Variants in GLRA1 observed in about 807,000 individuals in gnomAD.
The protein encoded by GLRA1 is glycine receptor subunit alpha-1.
Under a neutral mutation model 48.3 loss-of-function variants are expected in GLRA1, and 37 were observed. The observed-to-expected ratio is 0.77, with a 90% CI of 0.59 to 1.01. The LOEUF is 1.01. GLRA1 is among the 50% of genes least tolerant of loss of function. The probability of loss-of-function intolerance (pLI) is 0.00; values close to 1 mark genes in which losing one functional copy is unlikely to be tolerated. For missense variants in GLRA1, 427 were observed against 571.0 expected, an observed-to-expected ratio of 0.75 and a Z score of 2.57; for synonymous variants, 196 against 210.7, an observed-to-expected ratio of 0.93 and a Z score of 0.60.
intron 4 of GLRA1, 21 bp downstream of exon 4, chr5:151,859,764 G>C (rs376001592): frequency 4.0e-5 from 61 of 1,528,732 alleles, no homozygotes; most frequent in Non-Finnish European, 5.5e-5. Flanking sequence ...CAGGGAGTGG[G>C]TGAACCTGGT....
intron 7 of GLRA1, among the ~76,000 whole-genome samples, chr5:151,835,983 T>TA (rs1225522745): frequency 7.2e-5 from 11 of 152,262 alleles, no homozygotes; most frequent in Admixed American, 6.5e-4. Context: ...GAGAAAGAAA[T>TA]AAAAGGTATT....
At position 151,878,587 on chromosome 5, in the gene GLRA1, C is replaced by A. The variant is rs751644704; in HGVS notation, c.252+8134G>T. On this transcript the variant is annotated intron_variant, in intron 3 of 8. Transcript: ENST00000274576. The stretch of plus-strand genomic sequence containing the variant: ...CCAAAGGCTTTGGAGAAAATCGTTT[C>A]GTGGGCCAAGCCCAGGGTCCCTGTG... Among the ~76,000 whole-genome samples the A allele has an allele frequency of 3.9e-5, 6 of 152,246 alleles. No individual in the cohort carries two copies. The South Asian group carries it at 1.0e-3, about 26-fold the overall frequency.
intron 1 of GLRA1, among the ~76,000 whole-genome samples, chr5:151,897,653 T>C (rs1754255383): frequency 6.6e-6 from 1 of 152,214 alleles, no homozygotes; most frequent in Non-Finnish European, 1.5e-5. Flanking sequence ...TGAAAAATAC[T>C]GAAAGCAATC....
intron 7 of GLRA1, among the ~76,000 whole-genome samples, chr5:151,831,899 T>C (rs1264821166): frequency 1.3e-5 from 2 of 152,092 alleles, no homozygotes; most frequent in Admixed American, 6.5e-5. Flanking sequence ...ACAGGAGAGC[T>C]CTGGCTGGCA....
chr5:151,827,906 C>G (rs1763318226), intron 8 of GLRA1, among the ~76,000 whole-genome samples: 1 of 152,142 alleles, frequency 6.6e-6, no homozygotes, highest in Non-Finnish European at 1.5e-5. Context: ...TTGCACCAAC[C>G]TAATCTTTTG....
At chr5:151,846,068 A>T (rs1752667923) in intron 7 of GLRA1, among the ~76,000 whole-genome samples, 1 of 152,048 alleles carries the variant, frequency 6.6e-6, no homozygotes, top group Non-Finnish European at 1.5e-5. Context: ...GGGAGTGGGG[A>T]ATGAGGAGTG....
intron 2 of GLRA1, among the ~76,000 whole-genome samples, chr5:151,888,291 T>C (rs1366521051): frequency 1.3e-5 from 2 of 152,246 alleles, no homozygotes; most frequent in East Asian, 3.8e-4. Flanking sequence ...GGGGACTCAG[T>C]CTTGGGATGA....
rs183449957 is a variant in GLRA1 at position 151,834,099 on chromosome 5, G to A, written c.913-5032C>T. On this transcript the variant is annotated intron_variant, in intron 7 of 8. Coordinates refer to ENST00000274576, the MANE Select transcript of GLRA1 (RefSeq NM_000171.4). Reference sequence around the variant, plus strand: ...AAAAATTAACGAGGATATTCAGGATGTGAACTCAGCTCTGGACCAAGCGGA... The same window carrying A: ...AAAAATTAACGAGGATATTCAGGATATGAACTCAGCTCTGGACCAAGCGGA... 1.1e-4 allele frequency among the ~76,000 whole-genome samples: 17 copies of A among 152,248 alleles called. No individual in the cohort carries two copies. The East Asian group carries it at 3.3e-3, about 29-fold the overall frequency.
intron 7 of GLRA1, chr5:151,850,263 G>T: frequency 1.2e-6 from 2 of 1,604,788 alleles, no homozygotes; most frequent in Non-Finnish European, 1.7e-6. Context: ...TAATGCTGAG[G>T]TCATGCCTGC....
At position 151,886,582 on chromosome 5, in the gene GLRA1, CCTCATGGTATACCA is replaced by C. The variant is rs369784822; in HGVS notation, c.252+125_252+138del. The C allele has an allele frequency of 2.9e-3, 2,111 of 717,726 alleles. 34 individuals carry two copies. In the African/African-American group the frequency reaches 0.033, roughly 11 times the overall value. 44.5% of individuals were successfully genotyped at this position (717,726 alleles called of 1,614,324 possible). A position where few individuals can be genotyped will look rare whatever the true frequency, so the allele number is the denominator to read the frequency against. On this transcript the variant is annotated intron_variant, in intron 3 of 8. Coordinates refer to ENST00000274576, the MANE Select transcript of GLRA1 (RefSeq NM_000171.4). ...TAATGTGACAGTAAAGACATCCGAG[CCTCATGGTATACCA>C]CTGGAGACTTGAGAAAAACCCAGCT...
intron 3 of GLRA1, among the ~76,000 whole-genome samples, chr5:151,864,623 A>G (rs1324236670): frequency 6.6e-6 from 1 of 152,178 alleles, no homozygotes; most frequent in Non-Finnish European, 1.5e-5. Flanking sequence ...CTGCCTTCTC[A>G]GCTTAAGGCT....
chr5:151,824,725 G>C (rs567825954), intron 8 of GLRA1, among the ~76,000 whole-genome samples: 1 of 152,168 alleles, frequency 6.6e-6, no homozygotes, highest in Admixed American at 6.5e-5. Flanking sequence ...TAAGCTCTCT[G>C]TATATATCTC....
intron 8 of GLRA1, among the ~76,000 whole-genome samples, chr5:151,824,788 CTG>C (rs1763229685): frequency 6.6e-6 from 1 of 152,142 alleles, no homozygotes; most frequent in African/African-American, 2.4e-5. Context: ...TGATTAGCGT[CTG>C]TCTCTTACTA....
chr5:151,897,761 T>G (rs1006341644), intron 1 of GLRA1, among the ~76,000 whole-genome samples: 1 of 152,358 alleles, frequency 6.6e-6, no homozygotes, highest in Middle Eastern at 3.4e-3. Flanking sequence ...CTAGTTTTGG[T>G]GGACAGGATG....
At chr5:151,904,262 A>G (rs935135517) in intron 1 of GLRA1, among the ~76,000 whole-genome samples, 1 of 152,110 alleles carries the variant, frequency 6.6e-6, no homozygotes, top group Non-Finnish European at 1.5e-5. Context: ...TACCTTCAAG[A>G]TCCTCCAGCA....
Position 151,901,654 on chromosome 5 carries a change from A to C in GLRA1, c.57-9216T>G, listed in dbSNP as rs76390050. ...AAGTTTTGGGGAAAAAGATTGCATT[A>C]ATCAGCAGGCATTGGTCATTTGAGT... On this transcript the variant is annotated intron_variant, in intron 1 of 8. Coordinates refer to ENST00000274576, the MANE Select transcript of GLRA1 (RefSeq NM_000171.4). Among the ~76,000 whole-genome samples the C allele has an allele frequency of 7.6e-3, 1,161 of 152,344 alleles. 19 individuals carry two copies. Among genetic ancestry groups the C allele is most frequent in the African/African-American group, 0.026 (1,090 of 41,574 alleles).
intron 3 of GLRA1, among the ~76,000 whole-genome samples, chr5:151,885,669 G>A (rs1174857474): frequency 6.6e-6 from 1 of 152,230 alleles, no homozygotes; most frequent in African/African-American, 2.4e-5. Flanking sequence ...CTGGAGAGCT[G>A]TAAGCAATCG....
intron 3 of GLRA1, among the ~76,000 whole-genome samples, chr5:151,866,831 C>T (rs970310633): frequency 1.3e-5 from 2 of 152,058 alleles, no homozygotes; most frequent in Non-Finnish European, 1.5e-5. Flanking sequence ...AGGCTGCATG[C>T]GGTGGCTCAC....
chr5:151,855,806 A>G (rs182578434), intron 5 of GLRA1, among the ~76,000 whole-genome samples: 178 of 152,216 alleles, frequency 1.2e-3, no homozygotes, highest in African/African-American at 4.1e-3. Context: ...CTGCTATCCA[A>G]TCTGTTAAAA....
Sources: allele counts gnomAD v4.1 joint callset (sites outside exome capture counted in the v4.1 genomes callset), GRCh38; gene constraint gnomAD v4.1.1; transcripts MANE v1.5; gene names NCBI Gene and HGNC (gene_info 2026-07-23, HGNC 2026-07-21).